Variants in JADE3 observed in about 807,000 individuals in gnomAD.
JADE3 encodes jade family PHD finger 3.
JADE3 carries 2 observed loss-of-function variants against 50.1 expected under a neutral mutation model. That is an observed-to-expected ratio of 0.04 (90% confidence interval 0.02 to 0.13). The LOEUF (loss-of-function observed/expected upper bound fraction) is 0.13, where lower values mean the gene tolerates loss of function less well. Among genes scored for constraint, JADE3 ranks in the 10% least tolerant of loss-of-function variants. The pLI, the probability that JADE3 is intolerant of heterozygous loss-of-function variation, is 1.00. For missense variants in JADE3, 475 were observed against 634.4 expected (o/e 0.75, Z 2.70); for synonymous variants, 218 against 232.9 (o/e 0.94, Z 0.58).
At chrX:47,043,144 A>C (rs1199403151) in intron 8 of JADE3, among the ~76,000 whole-genome samples, 1 of 112,341 alleles carries the variant, frequency 8.9e-6, no homozygotes, top group African/African-American at 3.2e-5. Context: ...TGGCATTACT[A>C]GGCTTGCAGT....
chrX:47,024,796 C>T lies in JADE3; in HGVS notation c.357C>T (p.Asp119=). 1.7e-6 allele frequency: 2 copies of T among 1,196,493 alleles called. No individual in the cohort carries two copies. Among genetic ancestry groups the T allele is most frequent in the Non-Finnish European group, 1.1e-6 (1 of 881,754 alleles). Residue 119 remains aspartate (D), a synonymous_variant, in exon 5 of 11, where the codon GAC becomes GAT. Transcript: ENST00000614628. ...AGTATATTCACTGCTCCAGCCCAGA[C>T]ACCACAGAGCCTGGCTACATCAACA... ...PRKYIHCSSP[D]TTEPGYINIM... is the part of the protein sequence containing the mutation.
intron 7 of JADE3, 84 bp from the exon 8 acceptor site, chrX:47,038,864 CT>C: frequency 1.9e-6 from 1 of 518,228 alleles, no homozygotes; most frequent in Non-Finnish European, 3.4e-6. Context: ...ATGTTCTTAG[CT>C]TTATGTAACA....
intron 1 of JADE3, among the ~76,000 whole-genome samples, chrX:46,973,316 T>C (rs1223541502): frequency 8.9e-6 from 1 of 112,082 alleles, no homozygotes; most frequent in African/African-American, 3.2e-5. Context: ...AGAGTTGACC[T>C]CCAGACTCCT....
chrX:47,059,057 C>A lies in JADE3; in HGVS notation c.2452C>A (p.His818Asn). 3 of 1,196,352 alleles carry A rather than the reference C, an allele frequency of 2.5e-6. No homozygotes were observed. The highest frequency in any genetic ancestry group is 3.4e-6 in the Non-Finnish European group (3 of 890,451). The change falls in exon 11 of 11, where the codon CAC (histidine) becomes AAC (asparagine). Residue 818 changes from histidine to asparagine, a missense_variant. This residue lies in a region of JADE3 where 243 missense variants were observed against 238.2 expected (regional missense o/e 1.02). Coordinates refer to ENST00000614628, the MANE Select transcript of JADE3 (RefSeq NM_014735.5). ...TAAAAGCAAGACACATCCCCTTTCCCACAGTTCAATGCAAAGGTGATTAGA... is the reference window on the plus strand; with the variant it reads ...TAAAAGCAAGACACATCCCCTTTCCAACAGTTCAATGCAAAGGTGATTAGA... ...HGKSKTHPLS[H>N]SSMQR
At chrX:47,049,389 G>C (rs1192388887) in intron 8 of JADE3, among the ~76,000 whole-genome samples, 1 of 109,174 alleles carries the variant, frequency 9.2e-6, no homozygotes, top group African/African-American at 3.3e-5. Flanking sequence ...GGCTGGTCTT[G>C]AACTCCTGAC....
At chrX:46,936,876 A>G (rs1316085689) in intron 1 of JADE3, among the ~76,000 whole-genome samples, 1 of 111,319 alleles carries the variant, frequency 9.0e-6, no homozygotes, top group African/African-American at 3.3e-5. Context: ...AGGTTTATCA[A>G]TTTTGTTGAT....
At chrX:46,926,494 C>T (rs1294139410) in intron 1 of JADE3, among the ~76,000 whole-genome samples, 3 of 111,932 alleles carry the variant, frequency 2.7e-5, no homozygotes, top group Non-Finnish European at 5.6e-5. Flanking sequence ...GATCCTCCCA[C>T]CTTGGCCTCC....
chrX:47,060,912 G>A lies in JADE3; in HGVS notation c.*1835G>A, dbSNP rs955151068. 8.9e-6 allele frequency: 1 copy of A among 112,093 alleles called. No individual in the cohort carries two copies. The highest frequency in any genetic ancestry group is 1.9e-5 in the Non-Finnish European group (1 of 53,203). The allele number at this position is 112,093 out of a possible 1,213,427, so 9.2% of individuals were successfully genotyped here. A position where few individuals can be genotyped will look rare whatever the true frequency, so the allele number is the denominator to read the frequency against. ...CTTCATGCCTTTCAATTCTGAGTGGGAGGAAAAGCAAACATCAAAACAGTG... is the reference window on the plus strand; with the variant it reads ...CTTCATGCCTTTCAATTCTGAGTGGAAGGAAAAGCAAACATCAAAACAGTG... On this transcript the variant is annotated 3_prime_UTR_variant, in exon 11 of 11. Coordinates refer to ENST00000614628, the MANE Select transcript of JADE3 (RefSeq NM_014735.5).
At chrX:47,010,877 C>A (rs781912547) in intron 4 of JADE3, among the ~76,000 whole-genome samples, 2 of 111,474 alleles carry the variant, frequency 1.8e-5, no homozygotes, top group Non-Finnish European at 3.8e-5. Flanking sequence ...GTCTAGAAAT[C>A]CAAGATCAAG....
intron 3 of JADE3, among the ~76,000 whole-genome samples, chrX:46,988,262 T>C (rs1556355089): frequency 9.0e-6 from 1 of 111,303 alleles, no homozygotes; most frequent in Non-Finnish European, 1.9e-5. Flanking sequence ...ATCAAGCACG[T>C]CGGGGAAGTA....
intron 4 of JADE3, among the ~76,000 whole-genome samples, chrX:47,009,276 A>T (rs1556361060): frequency 9.0e-6 from 1 of 111,299 alleles, no homozygotes; most frequent in Non-Finnish European, 1.9e-5. Context: ...GAGCCACTGC[A>T]GGCTGCAGAG....
chrX:47,005,961 C>A (rs1232604105), intron 4 of JADE3, among the ~76,000 whole-genome samples: 1 of 111,430 alleles, frequency 9.0e-6, no homozygotes, highest in Non-Finnish European at 1.9e-5. Flanking sequence ...CAGCCAAAAT[C>A]GAAGGTTTGC....
At chrX:47,014,009 C>G (rs896017252) in intron 4 of JADE3, among the ~76,000 whole-genome samples, 9 of 111,921 alleles carry the variant, frequency 8.0e-5, no homozygotes, top group African/African-American at 2.9e-4. Flanking sequence ...TCTTGGTAGC[C>G]ATTGTTTTGA....
intron 1 of JADE3, among the ~76,000 whole-genome samples, chrX:46,936,683 G>A (rs1435268841): frequency 9.0e-6 from 1 of 111,531 alleles, no homozygotes; most frequent in East Asian, 2.8e-4. Flanking sequence ...TATTTTCAAT[G>A]AGTTTTAGTA....
At chrX:46,984,850 G>A (rs374012012) in intron 1 of JADE3, 34 bp from the exon 2 acceptor site, 47 of 1,134,150 alleles carry the variant, frequency 4.1e-5, no homozygotes, top group Non-Finnish European at 5.3e-5. Flanking sequence ...GGGTGTGTGT[G>A]AACTGTTTTA....
At chrX:46,915,588 G>A (rs1441390431) in intron 1 of JADE3, among the ~76,000 whole-genome samples, 2 of 111,394 alleles carry the variant, frequency 1.8e-5, no homozygotes, top group Non-Finnish European at 3.8e-5. Context: ...GTACTAGCAA[G>A]TAAGTGGTCA....
intron 1 of JADE3, among the ~76,000 whole-genome samples, chrX:46,941,657 T>C (rs1926761889): frequency 8.9e-6 from 1 of 111,785 alleles, no homozygotes; most frequent in Non-Finnish European, 1.9e-5. Context: ...ACAATTAGTT[T>C]TGTTGAGCAT....
intron 1 of JADE3, among the ~76,000 whole-genome samples, chrX:46,959,757 G>A (rs1330899568): frequency 3.6e-5 from 4 of 110,331 alleles, no homozygotes; most frequent in Admixed American, 9.6e-5. Flanking sequence ...CATACTCCAG[G>A]CACTGAAAAG....
intron 1 of JADE3, among the ~76,000 whole-genome samples, chrX:46,974,123 G>A (rs1385262218): frequency 1.8e-5 from 2 of 109,589 alleles, no homozygotes; most frequent in African/African-American, 6.7e-5. Context: ...AATAGTTTGG[G>A]CCGGGTGCAG....
Sources: allele counts gnomAD v4.1 joint callset (sites outside exome capture counted in the v4.1 genomes callset), GRCh38; gene constraint gnomAD v4.1.1; regional missense constraint gnomAD v4.1.1; transcripts MANE v1.5; gene names NCBI Gene and HGNC (gene_info 2026-07-23, HGNC 2026-07-21).